The following BNC2 variants were observed in gnomAD, a reference collection of about 807,000 sequenced individuals.
The protein encoded by BNC2 is zinc finger protein basonuclin-2.
Under a neutral mutation model 76.3 loss-of-function variants are expected in BNC2, and 20 were observed. The observed-to-expected ratio is 0.26, with a 90% confidence interval of 0.18 to 0.38. The LOEUF (loss-of-function observed/expected upper bound fraction) is 0.38, where lower values mean the gene tolerates loss of function less well. BNC2 is among the 10% of genes least tolerant of loss of function. The pLI is 1.00. For missense variants in BNC2, 1,382 were observed against 1,399.8 expected, an observed-to-expected ratio of 0.99 and a Z score of 0.20; for synonymous variants, 582 against 514.8, an observed-to-expected ratio of 1.13 and a Z score of -1.77.
chr9:16,434,925 C>T (rs1253023448), intron 6 of BNC2: 1 of 468,754 alleles, frequency 2.1e-6, no homozygotes, highest in African/African-American at 2.0e-5. Flanking sequence ...CATTTTCCCA[C>T]ATCAACAATT....
chr9:16,805,715 A>ACG, intron 1 of BNC2, among the ~76,000 whole-genome samples: 1 of 135,224 alleles, frequency 7.4e-6, no homozygotes, highest in Admixed American at 6.9e-5. Context: ...GCATACATGC[A>ACG]CACACACACA....
At chr9:16,546,887 G>C (rs1587154509) in intron 5 of BNC2, among the ~76,000 whole-genome samples, 1 of 152,156 alleles carries the variant, frequency 6.6e-6, no homozygotes, top group Admixed American at 6.5e-5. Flanking sequence ...TCAAAGACCT[G>C]AATTCAAATC....
intron 1 of BNC2, among the ~76,000 whole-genome samples, chr9:16,837,459 G>A (rs534886558): frequency 2.7e-4 from 41 of 152,248 alleles, no homozygotes; most frequent in African/African-American, 8.2e-4. Flanking sequence ...AGCTGAGGTC[G>A]CGCCACTGCA....
At chr9:16,455,031 G>C (rs1289417570) in intron 5 of BNC2, among the ~76,000 whole-genome samples, 2 of 152,128 alleles carry the variant, frequency 1.3e-5, no homozygotes, top group East Asian at 1.9e-4. Flanking sequence ...GAAAGAAAAA[G>C]AAATGCAGGG....
intron 5 of BNC2, among the ~76,000 whole-genome samples, chr9:16,518,440 A>G (rs62540635): frequency 2.0e-5 from 3 of 152,056 alleles, no homozygotes; most frequent in Admixed American, 2.0e-4. Flanking sequence ...AAATAATAAT[A>G]ATAAAATAAA....
intron 1 of BNC2, among the ~76,000 whole-genome samples, chr9:16,780,690 T>C (rs1354042016): frequency 6.6e-6 from 1 of 152,180 alleles, no homozygotes; most frequent in Non-Finnish European, 1.5e-5. Flanking sequence ...TACTGGACAG[T>C]AAGGCAAACA....
chr9:16,567,557 T>C (rs1474998562), intron 4 of BNC2, among the ~76,000 whole-genome samples: 1 of 152,180 alleles, frequency 6.6e-6, no homozygotes, highest in African/African-American at 2.4e-5. Flanking sequence ...TCTACAGACT[T>C]CACTTCCAAT....
At chr9:16,564,846 T>A (rs1443387282) in intron 4 of BNC2, among the ~76,000 whole-genome samples, 1 of 152,198 alleles carries the variant, frequency 6.6e-6, no homozygotes, top group Admixed American at 6.5e-5. Context: ...CATAACTTTA[T>A]ATAGTTGAGG....
At chr9:16,866,838 A>G (rs1361480727) in intron 1 of BNC2, among the ~76,000 whole-genome samples, 1 of 152,082 alleles carries the variant, frequency 6.6e-6, no homozygotes, top group Non-Finnish European at 1.5e-5. Context: ...GATTTTACTA[A>G]CCAATGATAC....
intron 5 of BNC2, among the ~76,000 whole-genome samples, chr9:16,479,554 G>A (rs2131489488): frequency 6.6e-6 from 1 of 152,288 alleles, no homozygotes; most frequent in East Asian, 1.9e-4. Context: ...GAGCACTTAT[G>A]TATCTACCAT....
intron 3 of BNC2, chr9:16,625,620 T>C (rs2133650098): frequency 1.3e-5 from 2 of 152,258 alleles, no homozygotes; most frequent in Middle Eastern, 6.8e-3. Context: ...CTTATTAAAC[T>C]TCATACAGAA....
intron 1 of BNC2, among the ~76,000 whole-genome samples, chr9:16,849,016 A>G (rs1271805518): frequency 6.6e-6 from 1 of 152,206 alleles, no homozygotes; most frequent in Non-Finnish European, 1.5e-5. Context: ...TAAATATTCC[A>G]AAATCTGAAT....
At chr9:16,692,099 C>G (rs1256127384) in intron 3 of BNC2, among the ~76,000 whole-genome samples, 2 of 152,206 alleles carry the variant, frequency 1.3e-5, no homozygotes, top group Non-Finnish European at 2.9e-5. Flanking sequence ...GCGTGAGCCA[C>G]TGCACCCGGC....
intron 4 of BNC2, among the ~76,000 whole-genome samples, chr9:16,563,767 A>G (rs1318599679): frequency 6.6e-6 from 1 of 152,118 alleles, no homozygotes; most frequent in East Asian, 1.9e-4. Flanking sequence ...CTTTTTTGTA[A>G]TAAGTACTAT....
chr9:16,655,426 A>G (rs924186801), intron 3 of BNC2, among the ~76,000 whole-genome samples: 18 of 152,172 alleles, frequency 1.2e-4, no homozygotes, highest in Admixed American at 1.1e-3. Flanking sequence ...GACTCAGGTA[A>G]CTATCTTGGA....
intron 1 of BNC2, among the ~76,000 whole-genome samples, chr9:16,804,947 A>T (rs1225151204): frequency 1.3e-5 from 2 of 152,082 alleles, no homozygotes; most frequent in Non-Finnish European, 2.9e-5. Flanking sequence ...CTGTAGTCCC[A>T]GCTACTCGGG....
At chr9:16,633,653 G>A (rs934485372) in intron 3 of BNC2, among the ~76,000 whole-genome samples, 8 of 151,902 alleles carry the variant, frequency 5.3e-5, no homozygotes, top group African/African-American at 1.9e-4. Flanking sequence ...CATCTTCATC[G>A]TGTTTATCTA....
At position 16,520,274 on chromosome 9, in the gene BNC2, C is replaced by T. The variant is rs539331923; in HGVS notation, c.669+32256G>A. 5.1e-4 allele frequency among the ~76,000 whole-genome samples: 78 copies of T among 152,098 alleles called. 1 individual carries two copies. The highest frequency in any genetic ancestry group is 1.5e-3 in the African/African-American group (63 of 41,468). ...TGAAGCATTCTTGTCATAAGGGTCA[C>T]AGAAAAGGAAACATCGAAGGTCAGT... On this transcript the variant is annotated intron_variant, in intron 5 of 6. Transcript: ENST00000380672.
intron 5 of BNC2, among the ~76,000 whole-genome samples, chr9:16,449,124 T>A (rs1821287539): frequency 6.6e-6 from 1 of 152,088 alleles, no homozygotes; most frequent in Non-Finnish European, 1.5e-5. Flanking sequence ...TGAAAAAGGA[T>A]AAAAGGAGAA....
Sources: gnomAD v4.1 joint callset for allele counts (sites outside exome capture counted in the v4.1 genomes callset) on GRCh38, gnomAD v4.1.1 for gene constraint, MANE v1.5 for transcripts, NCBI Gene and HGNC (gene_info 2026-07-23, HGNC 2026-07-21) for gene names.